Variants in KCNH1 observed in about 807,000 individuals in gnomAD.
The protein encoded by KCNH1 is potassium voltage-gated channel subfamily H member 1.
In KCNH1, 27 loss-of-function variants were observed where a neutral mutation model predicts 69.2. That is an observed-to-expected ratio of 0.39 (90% CI 0.29 to 0.54). The LOEUF is 0.54. KCNH1 is among the 20% of genes least tolerant of loss of function. KCNH1 has a pLI of 0.68. For missense variants in KCNH1, 798 were observed against 1,261.6 expected, an observed-to-expected ratio of 0.63 and a Z score of 5.57; for synonymous variants, 456 against 487.7, an observed-to-expected ratio of 0.93 and a Z score of 0.86.
intron 6 of KCNH1, among the ~76,000 whole-genome samples, chr1:210,958,821 T>G (rs1375256168): frequency 6.6e-6 from 1 of 152,228 alleles, no homozygotes; most frequent in African/African-American, 2.4e-5. Flanking sequence ...TAACCTTTTT[T>G]CAAGGTTTTT....
At chr1:211,054,871 G>T (rs1690274145) in intron 5 of KCNH1, among the ~76,000 whole-genome samples, 1 of 151,908 alleles carries the variant, frequency 6.6e-6, no homozygotes, top group Admixed American at 6.6e-5. Flanking sequence ...AGAGAGAAAG[G>T]AAGGGATGGT....
intron 9 of KCNH1, among the ~76,000 whole-genome samples, chr1:210,781,639 AG>A (rs1683988955): frequency 6.6e-6 from 1 of 152,184 alleles, no homozygotes; most frequent in Admixed American, 6.5e-5. Context: ...TAGATCATTC[AG>A]GGGGACAATG....
intron 6 of KCNH1, among the ~76,000 whole-genome samples, chr1:210,928,791 A>G (rs2102572885): frequency 6.6e-6 from 1 of 152,316 alleles, no homozygotes; most frequent in East Asian, 1.9e-4. Flanking sequence ...GACCATTAAC[A>G]AGATTAACCA....
At chr1:210,836,476 T>C (rs1338567275) in intron 7 of KCNH1, among the ~76,000 whole-genome samples, 2 of 152,188 alleles carry the variant, frequency 1.3e-5, no homozygotes, top group African/African-American at 2.4e-5. Context: ...ACTTCTCATC[T>C]GTTAATGCCC....
At chr1:210,813,599 C>T (rs1038180831) in intron 7 of KCNH1, among the ~76,000 whole-genome samples, 4 of 152,118 alleles carry the variant, frequency 2.6e-5, no homozygotes, top group African/African-American at 9.7e-5. Flanking sequence ...GCTTTTGTTT[C>T]TTCTAATGTG....
intron 6 of KCNH1, among the ~76,000 whole-genome samples, chr1:211,001,383 C>T (rs1689175565): frequency 6.6e-6 from 1 of 152,162 alleles, no homozygotes; most frequent in Admixed American, 6.5e-5. Context: ...CAAAAGAAGA[C>T]ATTTATGCAG....
At chr1:210,992,711 T>C (rs1232634828) in intron 6 of KCNH1, among the ~76,000 whole-genome samples, 1 of 152,236 alleles carries the variant, frequency 6.6e-6, no homozygotes, top group Admixed American at 6.5e-5. Context: ...AAATGGAATC[T>C]TTTCGTTTTT....
At chr1:210,752,278 T>C (rs1364105719) in intron 10 of KCNH1, among the ~76,000 whole-genome samples, 3 of 152,206 alleles carry the variant, frequency 2.0e-5, no homozygotes, top group African/African-American at 7.2e-5. Context: ...CCAGCTATAA[T>C]GAAGGAGAGT....
At chr1:211,007,271 T>C (rs1689302450) in intron 6 of KCNH1, among the ~76,000 whole-genome samples, 1 of 152,212 alleles carries the variant, frequency 6.6e-6, no homozygotes, top group African/African-American at 2.4e-5. Flanking sequence ...TCATAAGATG[T>C]CTGCATGGCT....
At chr1:210,943,339 T>C (rs1687905296) in intron 6 of KCNH1, among the ~76,000 whole-genome samples, 1 of 151,908 alleles carries the variant, frequency 6.6e-6, no homozygotes, top group African/African-American at 2.4e-5. Flanking sequence ...TATTTTTTAT[T>C]TTTTATTTTT....
chr1:210,964,310 C>T (rs1200937362), intron 6 of KCNH1, among the ~76,000 whole-genome samples: 1 of 152,138 alleles, frequency 6.6e-6, no homozygotes, highest in Non-Finnish European at 1.5e-5. Flanking sequence ...AAAGGAACAA[C>T]TAGTATCAGC....
At chr1:210,926,041 C>G (rs1687566417) in intron 6 of KCNH1, among the ~76,000 whole-genome samples, 2 of 152,130 alleles carry the variant, frequency 1.3e-5, no homozygotes, top group South Asian at 4.1e-4. Flanking sequence ...GGCGGATCAC[C>G]TGAGGTCAGG....
At chr1:210,968,895 C>T (rs1688462406) in intron 6 of KCNH1, among the ~76,000 whole-genome samples, 1 of 152,024 alleles carries the variant, frequency 6.6e-6, no homozygotes, top group South Asian at 2.1e-4. Flanking sequence ...CCCCCCATTA[C>T]AATGATGTTT....
In KCNH1 at chr1:210,950,808, G is replaced by T. The variant is rs554846573; in HGVS notation, c.1033-30739C>A. 3.9e-4 allele frequency among the ~76,000 whole-genome samples: 60 copies of T among 152,138 alleles called. 1 individual carries two copies. The South Asian group carries it at 0.012, about 31-fold the overall frequency. On this transcript the variant is annotated intron_variant, in intron 6 of 10. Coordinates refer to ENST00000271751, the MANE Select transcript of KCNH1 (RefSeq NM_172362.3). ...CTATGAAGTATGTACTTTAATCTTC[G>T]ATTTAATATAGAAACAACTGACAAA...
At chr1:210,781,368 C>G (rs374603239) in intron 9 of KCNH1, among the ~76,000 whole-genome samples, 5 of 152,132 alleles carry the variant, frequency 3.3e-5, no homozygotes, top group African/African-American at 1.2e-4. Context: ...CTCCCCCTAT[C>G]CCACTGCCTT....
Position 210,953,630 on chromosome 1 carries a change from A to G in KCNH1, c.1033-33561T>C, listed in dbSNP as rs568830228. On this transcript the variant is annotated intron_variant, in intron 6 of 10. Transcript: ENST00000271751. ...GTGTAACCTCCTCCAATCTGTCTCCATAAATAGAAATTCAGGATTCTTTCT... is the reference window on the plus strand; with the variant it reads ...GTGTAACCTCCTCCAATCTGTCTCCGTAAATAGAAATTCAGGATTCTTTCT... 5.9e-5 allele frequency among the ~76,000 whole-genome samples: 9 copies of G among 152,262 alleles called. No individual in the cohort carries two copies. In the East Asian group the frequency reaches 1.7e-3, roughly 29 times the overall value.
chr1:210,794,036 C>T lies in KCNH1; in HGVS notation c.1915+3472G>A, dbSNP rs562405466. Among the ~76,000 whole-genome samples the T allele has an allele frequency of 2.2e-4, 33 of 152,264 alleles. 1 individual carries two copies. The South Asian group carries it at 5.4e-3, about 25-fold the overall frequency. On this transcript the variant is annotated intron_variant, in intron 9 of 10. Transcript: ENST00000271751. ...TTGGTTGGATTGTACTGAAGGGCATCAACAGACAATATAGTTATAATACCC... is the reference window on the plus strand; with the variant it reads ...TTGGTTGGATTGTACTGAAGGGCATTAACAGACAATATAGTTATAATACCC...
chr1:210,906,192 C>T (rs567434654), intron 7 of KCNH1, among the ~76,000 whole-genome samples: 8 of 152,320 alleles, frequency 5.3e-5, no homozygotes, highest in East Asian at 1.9e-4. Flanking sequence ...CCTCAAGCCT[C>T]GTGCTCGGCT....
chr1:210,836,102 T>C (rs1685274229), intron 7 of KCNH1, among the ~76,000 whole-genome samples: 1 of 107,624 alleles, frequency 9.3e-6, no homozygotes, highest in South Asian at 3.2e-4. Flanking sequence ...GCAGAGCGAG[T>C]CTCCGTCTCA....
Sources: allele counts gnomAD v4.1 joint callset (sites outside exome capture counted in the v4.1 genomes callset), GRCh38; gene constraint gnomAD v4.1.1; transcripts MANE v1.5; gene names NCBI Gene and HGNC (gene_info 2026-07-23, HGNC 2026-07-21).